ARMH1: variants seen among roughly 807,000 people sequenced by gnomAD.
ARMH1 encodes armadillo-like helical domain containing protein 1.
In ARMH1, 34 loss-of-function variants were observed where a neutral mutation model predicts 50.2. The ratio of observed to expected loss-of-function variants is 0.68; its 90% CI spans 0.51 to 0.90. ARMH1 has a LOEUF of 0.90. ARMH1 is among the 40% of genes least tolerant of loss of function. The probability of loss-of-function intolerance (pLI) is 0.00; values close to 1 mark genes in which losing one functional copy is unlikely to be tolerated. For synonymous variants in ARMH1, 221 were observed against 224.2 expected (o/e 0.99, Z 0.13); for missense variants, 538 against 553.9 (o/e 0.97, Z 0.29).
intron 6 of ARMH1, among the ~76,000 whole-genome samples, chr1:44,722,947 G>A (rs1412590146): frequency 3.3e-5 from 5 of 149,520 alleles, no homozygotes; most frequent in South Asian, 2.1e-4. Context: ...GGTGGCGGGC[G>A]CCTGTAATCC....
chr1:44,678,420 G>A (rs895764625), intron 1 of ARMH1, among the ~76,000 whole-genome samples: 5 of 152,178 alleles, frequency 3.3e-5, no homozygotes, highest in Non-Finnish European at 7.4e-5. Flanking sequence ...GGGGGCAGAT[G>A]GAGTCTACCA....
chr1:44,718,344 G>A (rs765739754), intron 6 of ARMH1, among the ~76,000 whole-genome samples: 4 of 152,206 alleles, frequency 2.6e-5, no homozygotes, highest in Non-Finnish European at 5.9e-5. Context: ...TCAGATGCAT[G>A]AGGGGCCAGA....
Position 44,725,375 on chromosome 1 carries a change from TC to T in ARMH1, c.1296del (p.Phe432LeufsTer5). Reference sequence around the variant, plus strand: ...GCTCAGATGGCCTACCTCACACACTTCGAGGAGGATGTAGAATCAAAGGAGT... The same window carrying T: ...GCTCAGATGGCCTACCTCACACACTTGAGGAGGATGTAGAATCAAAGGAGT... ...DSAQMAYLTH[F>X]EEDVESKE On this transcript the variant is annotated frameshift_variant, in exon 12 of 12. Coordinates refer to ENST00000535358, the MANE Select transcript of ARMH1 (RefSeq NM_001145636.2). LOFTEE classifies it low-confidence loss of function (END_TRUNC). 1 of 1,551,636 alleles carries T rather than the reference TC, an allele frequency of 6.4e-7. No homozygotes were observed. Among genetic ancestry groups the T allele is most frequent in the Non-Finnish European group, 8.7e-7 (1 of 1,146,980 alleles).
rs201673953 is a variant in ARMH1, at chr1:44,725,295, G to C, written c.1215G>C (p.Leu405=). Residue 405 remains leucine, a synonymous_variant, in exon 12 of 12, where the codon CTG becomes CTC. Transcript: ENST00000535358. ...GCCCGCCTTTCCTGCCTGCAGCCCT[G>C]TGCCTCCATGGCAGCTCCTACAGCA... ...AANTVNVTKA[L]CLHGSSYSMN... 3.9e-6 allele frequency: 6 copies of C among 1,551,854 alleles called. No individual in the cohort carries two copies. Among genetic ancestry groups the C allele is most frequent in the Non-Finnish European group, 4.4e-6 (5 of 1,147,018 alleles).
intron 1 of ARMH1, among the ~76,000 whole-genome samples, chr1:44,685,225 GA>G (rs1476782084): frequency 1.3e-5 from 2 of 151,498 alleles, no homozygotes; most frequent in African/African-American, 2.4e-5. Flanking sequence ...CATCAGGAGT[GA>G]AAAAAATAGA....
chr1:44,709,542 T>TGG (rs1646501616), intron 6 of ARMH1, among the ~76,000 whole-genome samples: 10 of 151,852 alleles, frequency 6.6e-5, no homozygotes, highest in East Asian at 3.9e-4. Flanking sequence ...CGTAGTGGCA[T>TGG]GCGCCTGTAG....
intron 6 of ARMH1, among the ~76,000 whole-genome samples, chr1:44,708,904 C>T (rs760491725): frequency 6.6e-6 from 1 of 152,152 alleles, no homozygotes; most frequent in Admixed American, 6.5e-5. Flanking sequence ...TCACCTCTCC[C>T]TTTTTCTCTG....
intron 1 of ARMH1, among the ~76,000 whole-genome samples, chr1:44,675,634 C>T (rs1359348447): frequency 2.0e-5 from 3 of 152,078 alleles, no homozygotes; most frequent in Admixed American, 6.5e-5. Flanking sequence ...TGCACTCCAG[C>T]CTGGGTGACA....
chr1:44,685,337 C>G (rs921089773), intron 1 of ARMH1, among the ~76,000 whole-genome samples: 3 of 150,236 alleles, frequency 2.0e-5, no homozygotes, highest in Admixed American at 2.0e-4. Context: ...GAGACAGGGT[C>G]TTGCTGTGTT....
At position 44,698,111 on chromosome 1, in the gene ARMH1, C is replaced by G; in HGVS notation, c.324C>G (p.Leu108=). The G allele has an allele frequency of 1.3e-6, 2 of 1,552,264 alleles. No homozygotes were observed. The highest frequency in any genetic ancestry group is 2.7e-5 in the African/African-American group (2 of 73,150). The part of the protein sequence containing the change: ...EFLEVGGVLT[L]LEILGLEKIK... ...TTGAGGTTGGAGGTGTCCTAACCCT[C>G]TTGGAAATACTTGGGCTAGAGAAGA... is the stretch of plus-strand genomic sequence containing the variant. The change falls in exon 4 of 12, where the codon CTC becomes CTG. Residue 108 remains leucine (L), a synonymous_variant. Transcript: ENST00000535358.
At chr1:44,685,151 T>C (rs1645426931) in intron 1 of ARMH1, among the ~76,000 whole-genome samples, 1 of 152,098 alleles carries the variant, frequency 6.6e-6, no homozygotes, top group Non-Finnish European at 1.5e-5. Context: ...GGGCCTACTA[T>C]AGTAAATTAA....
intron 1 of ARMH1, among the ~76,000 whole-genome samples, chr1:44,684,022 T>A (rs958580768): frequency 9.0e-5 from 13 of 144,446 alleles, no homozygotes; most frequent in South Asian, 6.6e-4. Flanking sequence ...AGAGAGAGAG[T>A]GTGTGAGTGT....
At chr1:44,708,619 G>C (rs1405115147) in intron 6 of ARMH1, among the ~76,000 whole-genome samples, 2 of 152,126 alleles carry the variant, frequency 1.3e-5, no homozygotes, top group African/African-American at 2.4e-5. Context: ...AGGGAAAGTG[G>C]CATCCTCAGG....
chr1:44,685,787 C>A (rs1645451858), intron 1 of ARMH1, among the ~76,000 whole-genome samples: 1 of 152,014 alleles, frequency 6.6e-6, no homozygotes, highest in Non-Finnish European at 1.5e-5. Flanking sequence ...GCCACCACGC[C>A]CAGCTAATTT....
Position 44,724,296 on chromosome 1 carries a change from G to T in ARMH1, c.848-24G>T. On this transcript the variant is annotated intron_variant, in intron 7 of 11. Transcript: ENST00000535358. This position sits in a 1 kb window ranked among gnomAD's most constrained non-coding sequence, Gnocchi z 6.4. ...CTGGGCCACGGGAGGGCGGTCTCTT[G>T]CCTCACGGCTGCCCCCTCCTCAGAC... 6.4e-7 allele frequency: 1 copy of T among 1,550,924 alleles called. No homozygotes were observed. The highest frequency in any genetic ancestry group is 8.7e-7 in the Non-Finnish European group (1 of 1,146,436).
At chr1:44,719,547 C>T (rs992708934) in intron 6 of ARMH1, among the ~76,000 whole-genome samples, 1 of 152,228 alleles carries the variant, frequency 6.6e-6, no homozygotes, top group Non-Finnish European at 1.5e-5. Flanking sequence ...CAGGATGTGG[C>T]TGCTCCCTCT....
At chr1:44,689,961 T>C in intron 2 of ARMH1, 58 bp downstream of exon 2, 1 of 1,483,498 alleles carries the variant, frequency 6.7e-7, no homozygotes, top group Non-Finnish European at 9.2e-7. Flanking sequence ...GGCTCACGCC[T>C]GTAATCCCAG....
intron 6 of ARMH1, among the ~76,000 whole-genome samples, 158 bp downstream of exon 6, chr1:44,704,331 C>T (rs991462674): frequency 4.9e-4 from 75 of 152,114 alleles, no homozygotes; most frequent in African/African-American, 1.7e-3. Context: ...ACACCTATGC[C>T]TTGCGTCAAC....
chr1:44,721,076 G>A lies in ARMH1; in HGVS notation c.725-3046G>A, dbSNP rs143874681. On this transcript the variant is annotated intron_variant, in intron 6 of 11. Transcript: ENST00000535358. ...CAAAAAAAGGGCAAAAGAAAGAGAA[G>A]GCACTGAGATTCTGCTCTCGGTGGG... Among the ~76,000 whole-genome samples, 28 of 151,860 alleles carry A rather than the reference G, an allele frequency of 1.8e-4. No homozygotes were observed. The East Asian group carries it at 5.2e-3, about 28-fold the overall frequency.
Sources: allele counts gnomAD v4.1 joint callset (sites outside exome capture counted in the v4.1 genomes callset), GRCh38; gene constraint gnomAD v4.1.1; non-coding constraint Gnocchi (gnomAD v3.1); transcripts MANE v1.5; gene names NCBI Gene and HGNC (gene_info 2026-07-23, HGNC 2026-07-21).